AMD1: variants seen among roughly 807,000 people sequenced by gnomAD.
AMD1 encodes S-adenosylmethionine decarboxylase proenzyme.
In AMD1, 11 loss-of-function variants were observed where a neutral mutation model predicts 40.2. The observed-to-expected ratio is 0.27, with a 90% CI of 0.17 to 0.45. The LOEUF (loss-of-function observed/expected upper bound fraction) is 0.45. Ranked by LOEUF, AMD1 falls within the 20% of genes least tolerant of loss-of-function variation. The probability of loss-of-function intolerance (pLI) is 1.00; values close to 1 mark genes in which losing one functional copy is unlikely to be tolerated. For missense variants in AMD1, 257 were observed against 410.2 expected (o/e 0.63, Z 3.23); for synonymous variants, 121 against 130.8 (o/e 0.93, Z 0.51).
chr6:110,837,745 AATATATAT>A, the AMD1 span, among the ~76,000 whole-genome samples: 40 of 17,832 alleles, frequency 2.2e-3, no homozygotes, highest in Admixed American at 5.8e-3. Flanking sequence ...AAAAAAAAAA[AATATATAT>A]ATATATATAT....
chr6:110,844,265 CTT>C, the AMD1 span, among the ~76,000 whole-genome samples: 13 of 143,678 alleles, frequency 9.0e-5, no homozygotes, highest in East Asian at 2.1e-4. Context: ...GAATTATAAT[CTT>C]TTTTTTTTTT....
Position 110,874,942 on chromosome 6 carries a change from CT to C in AMD1, c.-157del, listed in dbSNP as rs35023637. On this transcript the variant is annotated 5_prime_UTR_variant, in exon 1 of 9. Transcript: ENST00000368885. ...CAAAGCCGGGAAAATTTTATTAGTC[CT>C]TTTTTTAAAAAAAGTTAATATAAAA... 7 of 593,526 alleles carry C rather than the reference CT, an allele frequency of 1.2e-5. No homozygotes were observed. The highest frequency in any genetic ancestry group is 9.0e-5 in the South Asian group (4 of 44,380). The allele number at this position is 593,526 out of a possible 1,614,324, so 36.8% of individuals were successfully genotyped here.
At chr6:110,839,690 T>A in the AMD1 span, among the ~76,000 whole-genome samples, 23 of 152,328 alleles carry the variant, frequency 1.5e-4, no homozygotes, top group African/African-American at 4.8e-4. Flanking sequence ...TTTTCCTTTT[T>A]TTTAGTGGGG....
At chr6:110,893,404 C>A in intron 8 of AMD1, 72 bp from the exon 9 acceptor site, 2 of 1,571,272 alleles carry the variant, frequency 1.3e-6, no homozygotes, top group Non-Finnish European at 1.7e-6. Context: ...AAAAGTCTGT[C>A]ACTTAACTGT....
rs533453818 is a variant in AMD1, at chr6:110,879,349, C to G, written c.110+4134C>G. On this transcript the variant is annotated intron_variant, in intron 1 of 8. Transcript: ENST00000368885. ...ATCTGGTGGCAGAGTGAAACCCTCT[C>G]AACAACAACGAAAATATTTCAACTG... 2.2e-4 allele frequency among the ~76,000 whole-genome samples: 33 copies of G among 152,240 alleles called. No homozygotes were observed. In the South Asian group the frequency reaches 6.4e-3, roughly 30 times the overall value.
At chr6:110,814,637 C>A in the AMD1 span, 1 of 483,176 alleles carries the variant, frequency 2.1e-6, no homozygotes, top group South Asian at 1.5e-5. Context: ...AGGGCCGGAG[C>A]GGCAACTCCG....
At position 110,874,991 on chromosome 6, in the gene AMD1, C is replaced by A; in HGVS notation, c.-115C>A. 3.0e-5 allele frequency: 21 copies of A among 691,442 alleles called. No individual in the cohort carries two copies. Among genetic ancestry groups the A allele is most frequent in the Admixed American group, 9.2e-5 (3 of 32,656 alleles). 42.8% of individuals were successfully genotyped at this position (691,442 alleles called of 1,614,324 possible). A position where few individuals can be genotyped will look rare whatever the true frequency, so the allele number is the denominator to read the frequency against. Reference sequence around the variant, plus strand: ...AAATTATAGCAAAAAAAAAAAGGAACCTGAACTTTAGTAACACAGCTGGAA... The same window carrying A: ...AAATTATAGCAAAAAAAAAAAGGAAACTGAACTTTAGTAACACAGCTGGAA... On this transcript the variant is annotated 5_prime_UTR_variant, in exon 1 of 9. Transcript: ENST00000368885.
chr6:110,831,946 C>T, the AMD1 span, among the ~76,000 whole-genome samples: 1 of 151,706 alleles, frequency 6.6e-6, no homozygotes, highest in African/African-American at 2.4e-5. Flanking sequence ...CAGGCTCAAG[C>T]GATCCTCCCA....
At chr6:110,876,218 A>G (rs1214030011) in intron 1 of AMD1, among the ~76,000 whole-genome samples, 1 of 152,252 alleles carries the variant, frequency 6.6e-6, no homozygotes, top group Non-Finnish European at 1.5e-5. Flanking sequence ...GATCCCGTGG[A>G]TGCTTAGGCC....
the AMD1 span, among the ~76,000 whole-genome samples, chr6:110,820,383 T>G: frequency 7.2e-5 from 11 of 151,924 alleles, no homozygotes. Context: ...ATTATAGGCA[T>G]GCACTCGCAT....
the AMD1 span, among the ~76,000 whole-genome samples, chr6:110,826,149 A>G: frequency 0.013 from 1,934 of 146,938 alleles, 56 homozygotes; most frequent in African/African-American, 0.047. Context: ...CCTGGGCAAC[A>G]GAGACCCTGT....
At chr6:110,848,606 T>A in the AMD1 span, 1 of 559,028 alleles carries the variant, frequency 1.8e-6, no homozygotes, top group South Asian at 1.8e-5. Flanking sequence ...GTGCAAAAAA[T>A]AAATCTTCTT....
At chr6:110,856,157 G>GGTCACAGAT in the AMD1 span, among the ~76,000 whole-genome samples, 2 of 150,638 alleles carry the variant, frequency 1.3e-5, no homozygotes, top group Non-Finnish European at 3.0e-5. Context: ...CCCAAGTAGA[G>GGTCACAGAT]GTCACAGATG....
the AMD1 span, among the ~76,000 whole-genome samples, chr6:110,849,568 G>A: frequency 6.6e-6 from 1 of 152,068 alleles, no homozygotes; most frequent in African/African-American, 2.4e-5. Flanking sequence ...GGAATTCCTT[G>A]AATAAAGATT....
the AMD1 span, among the ~76,000 whole-genome samples, chr6:110,825,048 G>A: frequency 6.6e-6 from 1 of 152,054 alleles, no homozygotes; most frequent in African/African-American, 2.4e-5. Context: ...TTGTCCTTGG[G>A]GGATACACAC....
chr6:110,871,322 C>A (rs896695869), upstream of AMD1, among the ~76,000 whole-genome samples: 6 of 152,132 alleles, frequency 3.9e-5, no homozygotes, highest in African/African-American at 1.4e-4. Context: ...CTGTGTTAAA[C>A]CAAGTGAGGT....
chr6:110,831,253 C>A, the AMD1 span, among the ~76,000 whole-genome samples: 1 of 151,898 alleles, frequency 6.6e-6, no homozygotes, highest in African/African-American at 2.4e-5. Context: ...GTCTGGCCAA[C>A]ATAGTGAAAC....
the AMD1 span, among the ~76,000 whole-genome samples, chr6:110,861,125 A>G: frequency 6.6e-6 from 1 of 152,020 alleles, no homozygotes; most frequent in Non-Finnish European, 1.5e-5. Context: ...TTGGGAGGCC[A>G]AGGTGGGCGG....
chr6:110,837,745 A>AATAT, the AMD1 span, among the ~76,000 whole-genome samples: 1,034 of 17,792 alleles, frequency 0.058, 44 homozygotes, highest in Admixed American at 0.079. Flanking sequence ...AAAAAAAAAA[A>AATAT]ATATATATAT....
Sources: allele counts gnomAD v4.1 joint callset (sites outside exome capture counted in the v4.1 genomes callset), GRCh38; gene constraint gnomAD v4.1.1; transcripts MANE v1.5; gene names NCBI Gene and HGNC (gene_info 2026-07-23, HGNC 2026-07-21).